ABCG1: variants seen among roughly 807,000 people sequenced by gnomAD.
ABCG1 encodes the protein ATP binding cassette subfamily G member 1, also known as ATP-binding cassette sub-family G member 1.
A neutral mutation model predicts 69.2 loss-of-function variants in ABCG1; 29 were observed. The ratio of observed to expected loss-of-function variants is 0.42; its 90% CI spans 0.31 to 0.57. The LOEUF (loss-of-function observed/expected upper bound fraction) is 0.57, where lower values mean the gene tolerates loss of function less well. Ranked by LOEUF, ABCG1 falls within the 20% of genes least tolerant of loss-of-function variation. The probability of loss-of-function intolerance (pLI) is 0.15; values close to 1 mark genes in which losing one functional copy is unlikely to be tolerated. For missense variants in ABCG1, 718 were observed against 898.1 expected, an observed-to-expected ratio of 0.80 and a Z score of 2.56; for synonymous variants, 370 against 374.8, an observed-to-expected ratio of 0.99 and a Z score of 0.15.
At chr21:42,223,254 A>G (rs1488023361) in intron 1 of ABCG1, among the ~76,000 whole-genome samples, 2 of 152,188 alleles carry the variant, frequency 1.3e-5, no homozygotes, top group South Asian at 2.1e-4. Flanking sequence ...AGCAGAGGCC[A>G]CCAGGAGCCA....
At chr21:42,206,071 G>T (rs1006130428) in intron 2 of ABCG1, among the ~76,000 whole-genome samples, 4 of 152,108 alleles carry the variant, frequency 2.6e-5, no homozygotes, top group Non-Finnish European at 4.4e-5. Context: ...AGAAAACACA[G>T]TCTGGTGCCA....
upstream of ABCG1, chr21:42,219,101 C>A: frequency 1.7e-6 from 1 of 579,058 alleles, no homozygotes; most frequent in South Asian, 7.7e-5. This position sits in a 1 kb window ranked among gnomAD's most constrained non-coding sequence, Gnocchi z 5.3. Context: ...GGGGCGGGGT[C>A]GGGCGCGCTG....
At chr21:42,256,171 T>C in intron 2 of ABCG1, 1 of 1,410,380 alleles carries the variant, frequency 7.1e-7, no homozygotes. Flanking sequence ...ACCTCCCTTT[T>C]AGGGCTGCTG....
chr21:42,211,198 T>G, upstream of ABCG1, among the ~76,000 whole-genome samples: 1 of 152,126 alleles, frequency 6.6e-6, no homozygotes, highest in East Asian at 1.9e-4. Context: ...GACCTCCTGA[T>G]CCGCCCGCCT....
upstream of ABCG1, among the ~76,000 whole-genome samples, chr21:42,214,399 A>G (rs2067618064): frequency 6.6e-6 from 1 of 152,184 alleles, no homozygotes; most frequent in African/African-American, 2.4e-5. Context: ...TAGTTTACAG[A>G]TTTCCCAGTC....
At chr21:42,283,216 G>A (rs575326993) in intron 6 of ABCG1, among the ~76,000 whole-genome samples, 12 of 152,328 alleles carry the variant, frequency 7.9e-5, no homozygotes, top group Admixed American at 2.6e-4. Flanking sequence ...CTTCTGAGGG[G>A]GGGATGGCGG....
chr21:42,214,086 G>T (rs1569202091), upstream of ABCG1, among the ~76,000 whole-genome samples: 1 of 152,246 alleles, frequency 6.6e-6, no homozygotes, highest in Non-Finnish European at 1.5e-5. Context: ...GGGGTGGAAT[G>T]CTATGGTCTG....
At chr21:42,285,505 CAA>C (rs113652821) in intron 7 of ABCG1, among the ~76,000 whole-genome samples, 25 of 128,730 alleles carry the variant, frequency 1.9e-4, no homozygotes, top group Admixed American at 3.1e-4. Context: ...GACCCTGTAT[CAA>C]AAAAAAAAAA....
chr21:42,293,904 C>G (rs992009723), intron 13 of ABCG1, among the ~76,000 whole-genome samples: 3 of 150,348 alleles, frequency 2.0e-5, no homozygotes, highest in African/African-American at 7.3e-5. Flanking sequence ...CACCACACAC[C>G]ACACACCGCA....
At chr21:42,265,476 C>G (rs1040679708) in intron 2 of ABCG1, among the ~76,000 whole-genome samples, 3 of 152,168 alleles carry the variant, frequency 2.0e-5, no homozygotes, top group Admixed American at 6.5e-5. Flanking sequence ...CACAGATACA[C>G]AGGGGAGAGG....
At position 42,260,036 on chromosome 21, in the gene ABCG1, C is replaced by G. The variant is rs994598735; in HGVS notation, c.287-11034C>G. ...GGTCAGTCCAAGTCCAGGGAGGGCCCCATCACCTGGGGGTGGTCGCTATCA... is the reference window on the plus strand; with the variant it reads ...GGTCAGTCCAAGTCCAGGGAGGGCCGCATCACCTGGGGGTGGTCGCTATCA... On this transcript the variant is annotated intron_variant, in intron 2 of 14. Coordinates refer to ENST00000398449, the MANE Select transcript of ABCG1 (RefSeq NM_016818.3). 4 of 1,549,782 alleles carry G rather than the reference C, an allele frequency of 2.6e-6. No homozygotes were observed. In the African/African-American group the frequency reaches 5.5e-5, roughly 21 times the overall value.
intron 2 of ABCG1, among the ~76,000 whole-genome samples, chr21:42,248,422 TG>T (rs537905593): frequency 4.1e-3 from 624 of 152,162 alleles, no homozygotes; most frequent in South Asian, 6.6e-3. Context: ...GCACCACCCG[TG>T]GGGGGTGCAG....
chr21:42,274,561 G>GC (rs2068677217), intron 4 of ABCG1, among the ~76,000 whole-genome samples: 1 of 142,888 alleles, frequency 7.0e-6, no homozygotes, highest in Non-Finnish European at 1.5e-5. Context: ...TGCAACCTCC[G>GC]CCTCCCAGGT....
chr21:42,281,388 A>T (rs767227255), intron 5 of ABCG1, among the ~76,000 whole-genome samples: 7 of 152,182 alleles, frequency 4.6e-5, no homozygotes, highest in Admixed American at 3.3e-4. Flanking sequence ...TGCTTCTGAG[A>T]TGATGCTGGG....
intron 2 of ABCG1, among the ~76,000 whole-genome samples, chr21:42,269,068 G>C (rs762333881): frequency 6.6e-6 from 1 of 152,184 alleles, no homozygotes; most frequent in South Asian, 2.1e-4. Flanking sequence ...CAGGTGGGTC[G>C]TGGCCATAGT....
chr21:42,204,698 AG>A (rs2067530157), intron 2 of ABCG1, among the ~76,000 whole-genome samples: 1 of 152,186 alleles, frequency 6.6e-6, no homozygotes, highest in South Asian at 2.1e-4. Flanking sequence ...TCTGCAGTGT[AG>A]TAGTCTTGCT....
chr21:42,290,350 T>A lies in ABCG1; in HGVS notation c.1393+132T>A, dbSNP rs1391772839. ...TTTTTGTTTTTTTAAAATATCATCT[T>A]CTTTGTTGACAGATGCAAGTTGTAT... On this transcript the variant is annotated intron_variant, in intron 11 of 14. Coordinates refer to ENST00000398449, the MANE Select transcript of ABCG1 (RefSeq NM_016818.3). The A allele has an allele frequency of 3.9e-6, 4 of 1,024,982 alleles. No individual in the cohort carries two copies. The African/African-American group carries it at 6.5e-5, about 17-fold the overall frequency. The allele number at this position is 1,024,982 out of a possible 1,614,324, so 63.5% of individuals were successfully genotyped here. A position where few individuals can be genotyped will look rare whatever the true frequency, so the allele number is the denominator to read the frequency against.
At position 42,262,810 on chromosome 21, in the gene ABCG1, T is replaced by C. The variant is rs147132149; in HGVS notation, c.287-8260T>C. The stretch of plus-strand genomic sequence containing the variant: ...TCTCCAAGCTCTTGTATGTCACCTG[T>C]AAAAGATGGAGAAGAACACAGTAGT... On this transcript the variant is annotated intron_variant, in intron 2 of 14. Coordinates refer to ENST00000398449, the MANE Select transcript of ABCG1 (RefSeq NM_016818.3). 2.9e-3 allele frequency among the ~76,000 whole-genome samples: 435 copies of C among 152,304 alleles called. 4 individuals carry two copies. The highest frequency in any genetic ancestry group is 0.01 in the African/African-American group (419 of 41,568).
intron 2 of ABCG1, among the ~76,000 whole-genome samples, chr21:42,203,431 G>A (rs2067521738): frequency 6.6e-6 from 1 of 152,040 alleles, no homozygotes; most frequent in Non-Finnish European, 1.5e-5. Context: ...TCACATCTAT[G>A]ATGCATTTTG....
Sources: allele counts gnomAD v4.1 joint callset (sites outside exome capture counted in the v4.1 genomes callset), GRCh38; gene constraint gnomAD v4.1.1; non-coding constraint Gnocchi (gnomAD v3.1); transcripts MANE v1.5; gene names NCBI Gene and HGNC (gene_info 2026-07-23, HGNC 2026-07-21).